Variants in YY1AP1 observed in about 807,000 individuals in gnomAD.
YY1AP1 encodes the protein YY1-associated protein 1.
YY1AP1 carries 43 observed loss-of-function variants against 39.9 expected under a neutral mutation model. The ratio of observed to expected loss-of-function variants is 1.08; its 90% CI spans 0.84 to 1.39. The LOEUF (loss-of-function observed/expected upper bound fraction) is 1.39. Ranked by LOEUF, YY1AP1 falls within the 40% of genes most tolerant of loss-of-function variation. The pLI is 0.00. For missense variants in YY1AP1, 813 were observed against 900.7 expected, an observed-to-expected ratio of 0.90 and a Z score of 1.25; for synonymous variants, 292 against 331.3, an observed-to-expected ratio of 0.88 and a Z score of 1.29.
At chr1:155,666,005 A>G (rs1648952297) in intron 9 of YY1AP1, among the ~76,000 whole-genome samples, 1 of 152,162 alleles carries the variant, frequency 6.6e-6, no homozygotes, top group South Asian at 2.1e-4. Context: ...AAGTGACAGA[A>G]TATCTAGAAT....
At position 155,660,677 on chromosome 1, in the gene YY1AP1, G is replaced by A. The variant is rs780316496; in HGVS notation, c.1233C>T (p.Val411=). The A allele has an allele frequency of 3.1e-6, 5 of 1,614,196 alleles. No individual in the cohort carries two copies. The East Asian group carries it at 1.1e-4, about 36-fold the overall frequency. Residue 411 remains valine (V), a synonymous_variant, in exon 11 of 11, where the codon GTC becomes GTT. Coordinates refer to ENST00000355499, the MANE Select transcript of YY1AP1 (RefSeq NM_139119.3). Reference sequence around the variant, plus strand: ...TGGGTTGGATAAGGAGGGGTTTCAGGACTGATGAACGCTTCTGTCTCCAAG... The same window carrying A: ...TGGGTTGGATAAGGAGGGGTTTCAGAACTGATGAACGCTTCTGTCTCCAAG... The part of the protein sequence containing the change: ...KKAWRQKRSS[V]LKPLLIQPSP...
chr1:155,667,356 C>T (rs894426638), intron 9 of YY1AP1, among the ~76,000 whole-genome samples: 3 of 151,946 alleles, frequency 2.0e-5, no homozygotes, highest in East Asian at 1.9e-4. Flanking sequence ...ATAAAATAAT[C>T]GGCTAGCCTT....
chr1:155,662,006 G>A (rs1184773515), intron 9 of YY1AP1, among the ~76,000 whole-genome samples: 1 of 152,194 alleles, frequency 6.6e-6, no homozygotes, highest in African/African-American at 2.4e-5. Flanking sequence ...CCAGGAAGGG[G>A]AGAGTTTAGG....
chr1:155,688,773 A>G lies in YY1AP1; in HGVS notation c.-266T>C. 6.5e-7 allele frequency: 1 copy of G among 1,533,944 alleles called. No homozygotes were observed. The highest frequency in any genetic ancestry group is 8.7e-7 in the Non-Finnish European group (1 of 1,143,256). Reference sequence around the variant, plus strand: ...CAGCCGCCGCCAGCACCCCCACCCTACACTCCTCGCGCGTGCGCCTCCCAC... The same window carrying G: ...CAGCCGCCGCCAGCACCCCCACCCTGCACTCCTCGCGCGTGCGCCTCCCAC... On this transcript the variant is annotated 5_prime_UTR_variant, in exon 1 of 11. Transcript: ENST00000355499.
intron 10 of YY1AP1, 151 bp downstream of exon 10, chr1:155,661,156 A>G: frequency 6.3e-7 from 1 of 1,576,878 alleles, no homozygotes; most frequent in Non-Finnish European, 8.6e-7. Context: ...GGAGAAGGGC[A>G]GAAAAGTAAG....
chr1:155,664,615 C>T (rs1648671100), intron 9 of YY1AP1, among the ~76,000 whole-genome samples: 1 of 151,974 alleles, frequency 6.6e-6, no homozygotes, highest in Non-Finnish European at 1.5e-5. Flanking sequence ...ATCCCAGCTA[C>T]TCAGGAGGCT....
rs184679972 is a variant in YY1AP1 at position 155,688,393 on chromosome 1, C to A, written c.-151-192G>T. The stretch of plus-strand genomic sequence containing the variant: ...GGAGGGAGCTAAGGGCGCCTAGCGA[C>A]ACCCCCAACCTCCCACTCCTCCCTC... On this transcript the variant is annotated intron_variant, in intron 1 of 10. Coordinates refer to ENST00000355499, the MANE Select transcript of YY1AP1 (RefSeq NM_139119.3). 1,141 of 1,542,526 alleles carry A rather than the reference C, an allele frequency of 7.4e-4. 20 individuals are homozygous for A. In the East Asian group the frequency reaches 0.027, roughly 36 times the overall value.
In YY1AP1 at chr1:155,660,105, C is replaced by T; in HGVS notation, c.1805G>A (p.Cys602Tyr). ...TLLVNPTSFP[C>Y]PLNQPLVASS... ...GGCCACAAGGGGCTGGTTCAATGGA[C>T]AGGGGAAGGAAGTAGGGTTAACCAA... Residue 602 changes from cysteine to tyrosine, a missense_variant, in exon 11 of 11, where the codon TGT (cysteine) becomes TAT (tyrosine). Physicochemically the swap from Cys to Tyr is radical, Grantham distance 194. Transcript: ENST00000355499. The T allele has an allele frequency of 6.2e-7, 1 of 1,614,114 alleles. No homozygotes were observed. The highest frequency in any genetic ancestry group is 8.5e-7 in the Non-Finnish European group (1 of 1,180,024).
In YY1AP1 at chr1:155,664,741, G is replaced by A. The variant is rs934493489; in HGVS notation, c.880-3318C>T. ...AAACAAAAACGAGGAAACTGACATCGATACAATCAAAAGACCATGAATGGA... is the reference window on the plus strand; with the variant it reads ...AAACAAAAACGAGGAAACTGACATCAATACAATCAAAAGACCATGAATGGA... On this transcript the variant is annotated intron_variant, in intron 9 of 10. Transcript: ENST00000355499. Among the ~76,000 whole-genome samples the A allele has an allele frequency of 6.7e-5, 10 of 148,836 alleles. No homozygotes were observed. The East Asian group carries it at 7.9e-4, about 12-fold the overall frequency.
intron 8 of YY1AP1, among the ~76,000 whole-genome samples, chr1:155,669,077 A>G (rs1279355767): frequency 1.3e-5 from 2 of 151,962 alleles, no homozygotes; most frequent in Non-Finnish European, 2.9e-5. Context: ...TCTGTTGTCC[A>G]GGCTGGAGAG....
chr1:155,669,895 C>A (rs897666064), intron 8 of YY1AP1, among the ~76,000 whole-genome samples: 1 of 152,122 alleles, frequency 6.6e-6, no homozygotes. Context: ...TGGTGGCACA[C>A]GCTTGTGGTC....
Position 155,660,352 on chromosome 1 carries a change from T to G in YY1AP1, c.1558A>C (p.Met520Leu). 2 of 1,614,054 alleles carry G rather than the reference T, an allele frequency of 1.2e-6. No individual in the cohort carries two copies. Among genetic ancestry groups the G allele is most frequent in the Non-Finnish European group, 1.7e-6 (2 of 1,179,986 alleles). Residue 520 changes from methionine (M) to leucine (L), a missense_variant, in exon 11 of 11, where the codon ATG becomes CTG. By Grantham distance (15) the Met-to-Leu change is conservative. Around this residue, in one of 3 missense-constraint regions of YY1AP1, gnomAD observed 586 missense variants for 647.4 expected, o/e 0.91. Coordinates refer to ENST00000355499, the MANE Select transcript of YY1AP1 (RefSeq NM_139119.3). ...KVMMPSPASS[M>L]FRKPYVRRRP... ...CGTCTCACATATGGCTTTCGAAACA[T>G]GGAAGAGGCAGGGGAGGGCATCATT... is the stretch of plus-strand genomic sequence containing the variant.
rs976027952 is a variant in YY1AP1, at chr1:155,681,888, T to A, written c.-20-1432A>T. 4.0e-5 allele frequency among the ~76,000 whole-genome samples: 6 copies of A among 151,666 alleles called. No homozygotes were observed. In the East Asian group the frequency reaches 1.2e-3, roughly 29 times the overall value. On this transcript the variant is annotated intron_variant, in intron 2 of 10. Coordinates refer to ENST00000355499, the MANE Select transcript of YY1AP1 (RefSeq NM_139119.3). ...TAAATAGAGCCAGGGACTTGCTATG[T>A]TGCCCAGGCTGGTCTTGAACTCCTG...
intron 2 of YY1AP1, among the ~76,000 whole-genome samples, chr1:155,681,075 G>A (rs1651449890): frequency 6.6e-6 from 1 of 150,528 alleles, no homozygotes. Flanking sequence ...TTGTTGCCCA[G>A]GCTGGAGTGC....
At chr1:155,679,020 C>T (rs1325457039) in intron 4 of YY1AP1, 2 of 768,340 alleles carry the variant, frequency 2.6e-6, no homozygotes, top group Non-Finnish European at 3.5e-6. Context: ...GCCTAGGTGA[C>T]TAACAAATTT....
chr1:155,670,639 C>A, intron 7 of YY1AP1, 175 bp from the exon 8 acceptor site: 1 of 600,476 alleles, frequency 1.7e-6, no homozygotes, highest in Non-Finnish European at 2.8e-6. Context: ...AACATTAGGT[C>A]TAAAGGGAGT....
chr1:155,661,018 A>C, intron 10 of YY1AP1, 105 bp from the exon 11 acceptor site: 1 of 1,575,142 alleles, frequency 6.3e-7, no homozygotes, highest in Non-Finnish European at 8.7e-7. Flanking sequence ...GCATCTTTCC[A>C]AGGGACTCTG....
Position 155,672,706 on chromosome 1 carries a change from C to G in YY1AP1, c.437G>C (p.Ser146Thr), listed in dbSNP as rs1301914295. ...CLKELGTFAQ[S>T]SIALHHQYNP... is the part of the protein sequence containing the mutation. ...GTACTGATGGTGAAGGGCGATGGAG[C>G]TTTGAGCAAAGGTTCCCAGCTCTTT... The change falls in exon 7 of 11, where the codon AGC becomes ACC. Residue 146 changes from serine (S) to threonine (T), a missense_variant. Around this residue, in one of 3 missense-constraint regions of YY1AP1, gnomAD observed 196 missense variants for 189.7 expected, o/e 1.03. Coordinates refer to ENST00000355499, the MANE Select transcript of YY1AP1 (RefSeq NM_139119.3). The G allele has an allele frequency of 6.2e-7, 1 of 1,614,042 alleles. No homozygotes were observed.
intron 2 of YY1AP1, among the ~76,000 whole-genome samples, chr1:155,685,241 A>G (rs1652049991): frequency 6.6e-6 from 1 of 152,206 alleles, no homozygotes; most frequent in Non-Finnish European, 1.5e-5. Context: ...GCAATTGGGT[A>G]ATAAAATTTC....
Sources: gnomAD v4.1 joint callset for allele counts (sites outside exome capture counted in the v4.1 genomes callset) on GRCh38, gnomAD v4.1.1 for gene constraint, gnomAD v4.1.1 regional missense constraint, MANE v1.5 for transcripts, NCBI Gene and HGNC (gene_info 2026-07-23, HGNC 2026-07-21) for gene names.